Variants in TRIM46 observed in about 807,000 individuals in gnomAD.
The protein encoded by TRIM46 is tripartite motif containing 46.
TRIM46 carries 17 observed loss-of-function variants against 69.7 expected under a neutral mutation model. That is an observed-to-expected ratio of 0.24 (90% confidence interval 0.17 to 0.37). TRIM46 has a LOEUF of 0.37. Ranked by LOEUF, TRIM46 falls within the 10% of genes least tolerant of loss-of-function variation. The probability of loss-of-function intolerance (pLI) is 1.00; values close to 1 mark genes in which losing one functional copy is unlikely to be tolerated. For missense variants in TRIM46, 675 were observed against 1,025.1 expected, an observed-to-expected ratio of 0.66 and a Z score of 4.66; for synonymous variants, 391 against 429.0, an observed-to-expected ratio of 0.91 and a Z score of 1.09.
In TRIM46 at chr1:155,183,056, A is replaced by G. The variant is rs577896094; in HGVS notation, c.1887-741A>G. Among the ~76,000 whole-genome samples, 183 of 151,212 alleles carry G rather than the reference A, an allele frequency of 1.2e-3. 1 individual carries two copies. The highest frequency in any genetic ancestry group is 2.4e-3 in the East Asian group (12 of 5,030). On this transcript the variant is annotated intron_variant, in intron 9 of 9. Transcript: ENST00000334634. ...CTCCCGAGTAGCTGGGACTACAGGC[A>G]CCCGCCACCATGCCCAGCTAATTTT...
In TRIM46 at chr1:155,178,196, A is replaced by G; in HGVS notation, c.1104A>G (p.Glu368=). Reference sequence around the variant, plus strand: ...CAGGTCTGGTGGGCTATGCCCAGGAAGTACTTAAGGAAACAGACCAGCCTT... The same window carrying G: ...CAGGTCTGGTGGGCTATGCCCAGGAGGTACTTAAGGAAACAGACCAGCCTT... ...DGSGLVGYAQ[E]VLKETDQPCF... is the part of the protein sequence containing the mutation. The change falls in exon 6 of 10, where the codon GAA becomes GAG. Residue 368 remains glutamate (E), a synonymous_variant. Coordinates refer to ENST00000334634, the MANE Select transcript of TRIM46 (RefSeq NM_025058.5). 1 of 1,613,518 alleles carries G rather than the reference A, an allele frequency of 6.2e-7. No individual in the cohort carries two copies. The highest frequency in any genetic ancestry group is 8.5e-7 in the Non-Finnish European group (1 of 1,179,478).
In TRIM46 at chr1:155,181,312, A is replaced by G. The variant is rs1399835692; in HGVS notation, c.1589-540A>G. 1.3e-5 allele frequency among the ~76,000 whole-genome samples: 2 copies of G among 152,222 alleles called. No homozygotes were observed. The highest frequency in any genetic ancestry group is 4.8e-5 in the African/African-American group (2 of 41,438). ...GTTGCAAGAATTCAACTGGTTTGAG[A>G]CGATCAATGGGAGTCTGAGTACAGT... On this transcript the variant is annotated intron_variant, in intron 8 of 9. Transcript: ENST00000334634. The surrounding 1 kb of genome is among the most constrained non-coding windows in gnomAD (Gnocchi z 4.3).
intron 1 of TRIM46, chr1:155,174,900 G>A (rs1028746515): frequency 2.6e-5 from 37 of 1,407,824 alleles, no homozygotes; most frequent in Non-Finnish European, 3.3e-5. Flanking sequence ...GGCCGGAGCT[G>A]CGGCAGGAGG....
At chr1:155,177,531 CA>C (rs1370682345) in intron 5 of TRIM46, among the ~76,000 whole-genome samples, 1 of 151,530 alleles carries the variant, frequency 6.6e-6, no homozygotes, top group Admixed American at 6.6e-5. Context: ...ATGCATAGCT[CA>C]AAAAACCCCA....
In TRIM46 at chr1:155,179,858, G is replaced by T; in HGVS notation, c.1512G>T (p.Leu504=). ...CCGACACGGGCTCTGTGTATGTGCT[G>T]CGTGTCCGCGGCTGCAACAAGGCCG... ...ENPDTGSVYV[L]RVRGCNKAGY... The change falls in exon 8 of 10, where the codon CTG becomes CTT. Residue 504 remains leucine, a synonymous_variant. Coordinates refer to ENST00000334634, the MANE Select transcript of TRIM46 (RefSeq NM_025058.5). 6.2e-7 allele frequency: 1 copy of T among 1,611,032 alleles called. No homozygotes were observed. The highest frequency in any genetic ancestry group is 8.5e-7 in the Non-Finnish European group (1 of 1,177,754).
chr1:155,176,234 G>A lies in TRIM46; in HGVS notation c.669+3G>A, dbSNP rs1312063598. On this transcript the variant is annotated splice_donor_region_variant and intron_variant, in intron 3 of 9. Transcript: ENST00000334634. ...CTACCCTCTCCTTCCGACCCAAGGTGAGCCAGCCCTTCCAAGGCCTGGGGA... is the reference window on the plus strand; with the variant it reads ...CTACCCTCTCCTTCCGACCCAAGGTAAGCCAGCCCTTCCAAGGCCTGGGGA... 4.5e-5 allele frequency: 72 copies of A among 1,591,296 alleles called. No homozygotes were observed. The highest frequency in any genetic ancestry group is 5.6e-5 in the Non-Finnish European group (65 of 1,170,174).
intron 1 of TRIM46, chr1:155,174,554 C>T (rs950603700): frequency 1.2e-5 from 17 of 1,471,194 alleles, no homozygotes; most frequent in Non-Finnish European, 1.5e-5. Context: ...CGTGTTCCCC[C>T]CCACCACTTC....
In TRIM46 at chr1:155,184,526, G is replaced by A. The variant is rs988519555; in HGVS notation, c.*336G>A. 3.9e-6 allele frequency: 1 copy of A among 253,800 alleles called. No homozygotes were observed. Among genetic ancestry groups the A allele is most frequent in the African/African-American group, 2.3e-5 (1 of 44,162 alleles). 15.7% of individuals were successfully genotyped at this position (253,800 alleles called of 1,614,324 possible). A position where few individuals can be genotyped will look rare whatever the true frequency, so the allele number is the denominator to read the frequency against. On this transcript the variant is annotated 3_prime_UTR_variant, in exon 10 of 10. Coordinates refer to ENST00000334634, the MANE Select transcript of TRIM46 (RefSeq NM_025058.5). This position sits in a 1 kb window ranked among gnomAD's most constrained non-coding sequence, Gnocchi z 5.6. ...CTGTGCCCCCCAGGCTGATTGGGAG[G>A]GAGGGCACCTGGAACACTGGGCATG...
At chr1:155,174,615 G>A in intron 1 of TRIM46, 3 of 1,528,814 alleles carry the variant, frequency 2.0e-6, no homozygotes, top group Non-Finnish European at 1.7e-6. Flanking sequence ...GCCCCTGACC[G>A]GGATGGCTGC....
chr1:155,183,920 C>A lies in TRIM46; in HGVS notation c.2010C>A (p.Asn670Lys). The A allele has an allele frequency of 6.2e-7, 1 of 1,613,902 alleles. No individual in the cohort carries two copies. The highest frequency in any genetic ancestry group is 8.5e-7 in the Non-Finnish European group (1 of 1,180,038). The change falls in exon 10 of 10, where the codon AAC (asparagine) becomes AAA (lysine). Residue 670 changes from asparagine (N) to lysine (K), a missense_variant. Physicochemically the swap from Asn to Lys is moderately conservative, Grantham distance 94. Around this residue, in one of 5 missense-constraint regions of TRIM46, gnomAD observed 108 missense variants for 153.0 expected, o/e 0.71. Coordinates refer to ENST00000334634, the MANE Select transcript of TRIM46 (RefSeq NM_025058.5). ...KILLGSGASS[N>K]AGLTGRDGPT... ...TGCTGGGGTCGGGGGCAAGCTCAAA[C>A]GCAGGGCTGACAGGGAGGGATGGCC... is the stretch of plus-strand genomic sequence containing the variant.
Position 155,175,133 on chromosome 1 carries a change from G to A in TRIM46, c.64-253G>A, listed in dbSNP as rs1665534407. The A allele has an allele frequency of 2.9e-6, 4 of 1,385,104 alleles. No individual in the cohort carries two copies. The highest frequency in any genetic ancestry group is 1.7e-5 in the South Asian group (1 of 58,234). 85.8% of individuals were successfully genotyped at this position (1,385,104 alleles called of 1,614,324 possible). A position where few individuals can be genotyped will look rare whatever the true frequency, so the allele number is the denominator to read the frequency against. On this transcript the variant is annotated intron_variant, in intron 1 of 9. Transcript: ENST00000334634. The surrounding 1 kb of genome is among the most constrained non-coding windows in gnomAD (Gnocchi z 4.2). ...CTGCAGCTGGAGAAATGGGGATTGGGCTTGAGGCTGGAGCAGGCACAAGCT... is the reference window on the plus strand; with the variant it reads ...CTGCAGCTGGAGAAATGGGGATTGGACTTGAGGCTGGAGCAGGCACAAGCT...
At position 155,175,671 on chromosome 1, in the gene TRIM46, G is replaced by T; in HGVS notation, c.325+24G>T. On this transcript the variant is annotated intron_variant, in intron 2 of 9. Coordinates refer to ENST00000334634, the MANE Select transcript of TRIM46 (RefSeq NM_025058.5). This position sits in a 1 kb window ranked among gnomAD's most constrained non-coding sequence, Gnocchi z 4.2. ...AGGTGGGACTGGGGCCTGTAGGGTG[G>T]GGATGGGAACGCTGAGCTATTCATC... The T allele has an allele frequency of 6.2e-7, 1 of 1,612,900 alleles. No individual in the cohort carries two copies.
intron 3 of TRIM46, among the ~76,000 whole-genome samples, 174 bp downstream of exon 3, chr1:155,176,405 T>C (rs1381047303): frequency 6.6e-6 from 1 of 152,222 alleles, no homozygotes; most frequent in East Asian, 1.9e-4. Flanking sequence ...ACTTTGGGCC[T>C]CCATCTCATT....
At position 155,176,947 on chromosome 1, in the gene TRIM46, G is replaced by T. The variant is rs1176861671; in HGVS notation, c.685G>T (p.Asp229Tyr). Residue 229 changes from aspartate (D) to tyrosine (Y), a missense_variant, in exon 4 of 10, where the codon GAC becomes TAC. Physicochemically the swap from Asp to Tyr is radical, Grantham distance 160. This residue lies in a region of TRIM46 where 361 missense variants were observed against 498.3 expected (regional missense o/e 0.72). Transcript: ENST00000334634. ...SFRPKGLMCP[D>Y]HKEEVTHYCK... ...GTGTCCCTAGGGCCTTATGTGCCCA[G>T]ACCACAAGGAAGAGGTGACCCACTA... The T allele has an allele frequency of 6.2e-7, 1 of 1,614,140 alleles. No individual in the cohort carries two copies. Among genetic ancestry groups the T allele is most frequent in the Non-Finnish European group, 8.5e-7 (1 of 1,179,998 alleles).
chr1:155,174,896 A>G, intron 1 of TRIM46: 1 of 1,407,406 alleles, frequency 7.1e-7, no homozygotes, highest in Non-Finnish European at 9.2e-7. Context: ...CGCAGGCCGG[A>G]GCTGCGGCAG....
Position 155,181,300 on chromosome 1 carries a change from A to G in TRIM46, c.1589-552A>G, listed in dbSNP as rs2147794230. On this transcript the variant is annotated intron_variant, in intron 8 of 9. Transcript: ENST00000334634. The surrounding 1 kb of genome is among the most constrained non-coding windows in gnomAD (Gnocchi z 4.3). ...TTACCTCATAGAGTTGCAAGAATTCAACTGGTTTGAGACGATCAATGGGAG... is the reference window on the plus strand; with the variant it reads ...TTACCTCATAGAGTTGCAAGAATTCGACTGGTTTGAGACGATCAATGGGAG... Among the ~76,000 whole-genome samples, 1 of 152,336 alleles carries G rather than the reference A, an allele frequency of 6.6e-6. No individual in the cohort carries two copies. The highest frequency in any genetic ancestry group is 2.4e-5 in the African/African-American group (1 of 41,570).
Position 155,177,200 on chromosome 1 carries a change from G to A in TRIM46, c.819G>A (p.Lys273=), listed in dbSNP as rs1398561445. 6.2e-7 allele frequency: 1 copy of A among 1,614,198 alleles called. No homozygotes were observed. The highest frequency in any genetic ancestry group is 1.1e-5 in the South Asian group (1 of 91,086). Reference sequence around the variant, plus strand: ...ACCTCTTTCTTCCCCCTCAGGACAAGCTGACAAAGAGCCTGACATACATCC... The same window carrying A: ...ACCTCTTTCTTCCCCCTCAGGACAAACTGACAAAGAGCCTGACATACATCC... The part of the protein sequence containing the change: ...VLSAYQALKD[K]LTKSLTYILG... Residue 273 remains lysine, a synonymous_variant, in exon 5 of 10, where the codon AAG becomes AAA. Coordinates refer to ENST00000334634, the MANE Select transcript of TRIM46 (RefSeq NM_025058.5).
In TRIM46 at chr1:155,179,617, T is replaced by C. The variant is rs367820042; in HGVS notation, c.1286-15T>C. ...TGGCCAGGCCCTGACTGACACCCGC[T>C]GTCTCTTCCAACAGTGCCTGAGGCC... is the stretch of plus-strand genomic sequence containing the variant. On this transcript the variant is annotated splice_polypyrimidine_tract_variant and intron_variant, in intron 7 of 9. Transcript: ENST00000334634. 5.1e-6 allele frequency: 8 copies of C among 1,575,598 alleles called. No homozygotes were observed. The South Asian group carries it at 7.0e-5, about 14-fold the overall frequency.
Position 155,175,727 on chromosome 1 carries a change from G to A in TRIM46, c.325+80G>A. On this transcript the variant is annotated intron_variant, in intron 2 of 9. Transcript: ENST00000334634. This position sits in a 1 kb window ranked among gnomAD's most constrained non-coding sequence, Gnocchi z 4.2. ...GATGGAAGAAGTCCATCACTGGTCAGAGGCATCTGTCTGTCTTTCTGGGGG... is the reference window on the plus strand; with the variant it reads ...GATGGAAGAAGTCCATCACTGGTCAAAGGCATCTGTCTGTCTTTCTGGGGG... 6.2e-7 allele frequency: 1 copy of A among 1,606,712 alleles called. No individual in the cohort carries two copies. Among genetic ancestry groups the A allele is most frequent in the Non-Finnish European group, 8.5e-7 (1 of 1,177,048 alleles).
Sources: gnomAD v4.1 joint callset for allele counts (sites outside exome capture counted in the v4.1 genomes callset) on GRCh38, gnomAD v4.1.1 for gene constraint, gnomAD v4.1.1 regional missense constraint, Gnocchi (gnomAD v3.1) non-coding constraint, MANE v1.5 for transcripts, NCBI Gene and HGNC (gene_info 2026-07-23, HGNC 2026-07-21) for gene names.